Variants in STRBP observed in about 807,000 individuals in gnomAD.
The protein encoded by STRBP is spermatid perinuclear RNA-binding protein.
STRBP carries 13 observed loss-of-function variants against 80.1 expected under a neutral mutation model. That is an observed-to-expected ratio of 0.16 (90% CI 0.11 to 0.26). The LOEUF (loss-of-function observed/expected upper bound fraction) is 0.26. STRBP is among the 10% of genes least tolerant of loss of function. The pLI, the probability that STRBP is intolerant of heterozygous loss-of-function variation, is 1.00. For missense variants in STRBP, 485 were observed against 815.2 expected, an observed-to-expected ratio of 0.59 and a Z score of 4.93; for synonymous variants, 284 against 291.2, an observed-to-expected ratio of 0.98 and a Z score of 0.25.
chr9:123,139,430 T>C, intron 14 of STRBP, 99 bp downstream of exon 14: 1 of 965,554 alleles, frequency 1.0e-6, no homozygotes, highest in Non-Finnish European at 1.4e-6. Flanking sequence ...TGTACAGGTT[T>C]GCATATGCTT....
At chr9:123,195,690 T>C (rs778539174) in intron 2 of STRBP, among the ~76,000 whole-genome samples, 51 of 152,164 alleles carry the variant, frequency 3.4e-4, no homozygotes, top group Non-Finnish European at 5.6e-4. Context: ...ATGGAAGAAA[T>C]TGAAGAGGAC....
chr9:123,129,491 C>CT (rs1016968578), intron 17 of STRBP, among the ~76,000 whole-genome samples: 60 of 152,300 alleles, frequency 3.9e-4, no homozygotes, highest in African/African-American at 1.4e-3. Context: ...ATTACCACTC[C>CT]TTTTTTTGTA....
chr9:123,136,487 G>A lies in STRBP; in HGVS notation c.1526C>T (p.Ala509Val). 6.2e-7 allele frequency: 1 copy of A among 1,614,060 alleles called. No homozygotes were observed. The highest frequency in any genetic ancestry group is 8.5e-7 in the Non-Finnish European group (1 of 1,180,006). The change falls in exon 15 of 19, where the codon GCA (alanine) becomes GTA (valine). Residue 509 changes from alanine (A) to valine (V), a missense_variant. Coordinates refer to ENST00000348403, the MANE Select transcript of STRBP (RefSeq NM_018387.5). The surrounding 1 kb of genome is among the most constrained non-coding windows in gnomAD (Gnocchi z 4.2). ...CTCCATTACAGGGTTTTTGCCACTT[G>A]CTGTGAGGATAGGGCCCTGAGTTCT... ...EVRTQGPILT[A>V]SGKNPVMELN...
chr9:123,189,069 A>T (rs2132479149), intron 2 of STRBP, among the ~76,000 whole-genome samples: 1 of 152,316 alleles, frequency 6.6e-6, no homozygotes, highest in Non-Finnish European at 1.5e-5. Context: ...TGAATGTCCA[A>T]CAATGATAGA....
chr9:123,263,348 G>A (rs1199916017), intron 1 of STRBP, among the ~76,000 whole-genome samples: 2 of 151,778 alleles, frequency 1.3e-5, no homozygotes, highest in African/African-American at 2.4e-5. Flanking sequence ...AAGACCTTGA[G>A]ACCTGGTCTC....
chr9:123,229,769 T>C lies in STRBP; in HGVS notation c.-165+7061A>G, dbSNP rs78839847. On this transcript the variant is annotated intron_variant, in intron 2 of 18. Coordinates refer to ENST00000348403, the MANE Select transcript of STRBP (RefSeq NM_018387.5). ...CAGTTGAATGGGAGAGAGGGTATTA[T>C]GGATTTTAAAAGGAAGGGGTCGGAA... Among the ~76,000 whole-genome samples, 431 of 152,284 alleles carry C rather than the reference T, an allele frequency of 2.8e-3. 2 individuals are homozygous for C. The highest frequency in any genetic ancestry group is 9.8e-3 in the African/African-American group (409 of 41,556).
At chr9:123,207,871 C>G (rs937287527) in intron 2 of STRBP, among the ~76,000 whole-genome samples, 51 of 152,162 alleles carry the variant, frequency 3.4e-4, no homozygotes, top group African/African-American at 1.2e-3. Flanking sequence ...GGTGAACACA[C>G]AGTTGTTTAT....
At chr9:123,153,326 G>T (rs2037143122) in intron 11 of STRBP, among the ~76,000 whole-genome samples, 1 of 152,002 alleles carries the variant, frequency 6.6e-6, no homozygotes, top group South Asian at 2.1e-4. Context: ...GAGTAGCTGG[G>T]ATTACAGGAG....
intron 5 of STRBP, among the ~76,000 whole-genome samples, chr9:123,172,896 G>A (rs1185749021): frequency 6.6e-6 from 1 of 152,154 alleles, no homozygotes; most frequent in Non-Finnish European, 1.5e-5. Flanking sequence ...TTTGGACTTA[G>A]AGGCCAACAT....
chr9:123,223,795 CAT>C (rs3983862), intron 2 of STRBP, among the ~76,000 whole-genome samples: 1 of 151,876 alleles, frequency 6.6e-6, no homozygotes, highest in East Asian at 1.9e-4. Context: ...TATTTATATT[CAT>C]ATATGTGCTT....
chr9:123,240,882 A>G (rs991520845), intron 1 of STRBP, among the ~76,000 whole-genome samples: 4 of 152,234 alleles, frequency 2.6e-5, no homozygotes, highest in African/African-American at 9.6e-5. Flanking sequence ...AACATCAGTT[A>G]AAATATAAAG....
Position 123,128,239 on chromosome 9 carries a change from A to G in STRBP, c.1917T>C (p.Gly639=). The G allele has an allele frequency of 6.2e-7, 1 of 1,614,154 alleles. No homozygotes were observed. The highest frequency in any genetic ancestry group is 8.5e-7 in the Non-Finnish European group (1 of 1,180,024). The part of the protein sequence containing the change: ...YIAPGYGTPY[G]YSTAAPAYGL... ...CATAGGCAGGGGCAGCTGTGCTGTA[A>G]CCATATGGTGTTCCATAGCCTAGTG... Residue 639 remains glycine (G), a synonymous_variant, in exon 18 of 19, where the codon GGT becomes GGC. Coordinates refer to ENST00000348403, the MANE Select transcript of STRBP (RefSeq NM_018387.5).
intron 2 of STRBP, among the ~76,000 whole-genome samples, chr9:123,216,230 G>T (rs2039892787): frequency 6.6e-6 from 1 of 152,106 alleles, no homozygotes; most frequent in South Asian, 2.1e-4. Flanking sequence ...CACTGCACTA[G>T]TTTTGCCCTA....
At chr9:123,238,022 T>C (rs1311263646) in intron 1 of STRBP, among the ~76,000 whole-genome samples, 2 of 152,208 alleles carry the variant, frequency 1.3e-5, no homozygotes, top group African/African-American at 4.8e-5. Flanking sequence ...TCTGTCTCTG[T>C]AAAATGAGAA....
chr9:123,234,335 C>CAA (rs80193172), intron 2 of STRBP, among the ~76,000 whole-genome samples: 2 of 124,818 alleles, frequency 1.6e-5, no homozygotes. Context: ...ATTCAGAAGA[C>CAA]AAAAAAAAAA....
chr9:123,224,443 T>C (rs1486810071), intron 2 of STRBP, among the ~76,000 whole-genome samples: 2 of 152,220 alleles, frequency 1.3e-5, no homozygotes, highest in Non-Finnish European at 2.9e-5. Flanking sequence ...TTCCCATCAC[T>C]TCTAATTCCA....
chr9:123,209,642 A>G (rs1294104080), intron 2 of STRBP, among the ~76,000 whole-genome samples: 1 of 152,214 alleles, frequency 6.6e-6, no homozygotes, highest in East Asian at 1.9e-4. Flanking sequence ...ATGTGTGCAC[A>G]TGTGTGCTGA....
chr9:123,155,865 T>C (rs1252591621), intron 11 of STRBP, among the ~76,000 whole-genome samples: 1 of 143,042 alleles, frequency 7.0e-6, no homozygotes, highest in East Asian at 2.1e-4. Flanking sequence ...ACGAATAAAG[T>C]TTAAACGTGA....
chr9:123,229,636 G>A (rs2040343348), intron 2 of STRBP, among the ~76,000 whole-genome samples: 1 of 152,214 alleles, frequency 6.6e-6, no homozygotes, highest in African/African-American at 2.4e-5. Flanking sequence ...CAAGTGAAGA[G>A]CTTGTTTTTG....
Sources: gnomAD v4.1 joint callset for allele counts (sites outside exome capture counted in the v4.1 genomes callset) on GRCh38, gnomAD v4.1.1 for gene constraint, Gnocchi (gnomAD v3.1) non-coding constraint, MANE v1.5 for transcripts, NCBI Gene and HGNC (gene_info 2026-07-23, HGNC 2026-07-21) for gene names.